The following OPCML variants were observed in gnomAD, a reference collection of about 807,000 sequenced individuals.
The protein encoded by OPCML is opioid-binding protein/cell adhesion molecule.
Under a neutral mutation model 37.8 loss-of-function variants are expected in OPCML, and 13 were observed. That is an observed-to-expected ratio of 0.34 (90% CI 0.22 to 0.55). The LOEUF is 0.55. OPCML is among the 20% of genes least tolerant of loss of function. The pLI is 0.91. For synonymous variants in OPCML, 176 were observed against 168.8 expected, an observed-to-expected ratio of 1.04 and a Z score of -0.33; for missense variants, 341 against 435.6, an observed-to-expected ratio of 0.78 and a Z score of 1.93.
chr11:133,236,815 T>A (rs1592131415), intron 1 of OPCML, among the ~76,000 whole-genome samples: 1 of 152,324 alleles, frequency 6.6e-6, no homozygotes, highest in East Asian at 1.9e-4. Flanking sequence ...TTTTGAAAAG[T>A]TCTAAGTTGC....
At chr11:132,874,421 CCTTCCTTCCTT>C (rs1942933353) in intron 2 of OPCML, among the ~76,000 whole-genome samples, 2 of 139,454 alleles carry the variant, frequency 1.4e-5, no homozygotes, top group Admixed American at 1.5e-4. Context: ...TCCCTCCCTC[CCTTCCTTCCTT>C]CTTCCTTCCT....
chr11:133,389,813 T>C lies in OPCML; in HGVS notation c.61+142451A>G, dbSNP rs142663566. Among the ~76,000 whole-genome samples the C allele has an allele frequency of 3.4e-3, 519 of 152,342 alleles. 6 individuals are homozygous for C. The highest frequency in any genetic ancestry group is 0.011 in the African/African-American group (471 of 41,572). On this transcript the variant is annotated intron_variant, in intron 1 of 7. Transcript: ENST00000524381. The stretch of plus-strand genomic sequence containing the variant: ...CTCTCTGTTGTCTCAGGGACTTTCA[T>C]GGTGCATAGCACATGGGTAAATATA...
At chr11:133,525,787 C>T (rs1327915633) in intron 1 of OPCML, among the ~76,000 whole-genome samples, 2 of 152,194 alleles carry the variant, frequency 1.3e-5, no homozygotes, top group Non-Finnish European at 2.9e-5. Context: ...GTTTTCTCCA[C>T]GTTGGAGTTC....
chr11:132,451,283 T>G (rs1448900936), intron 4 of OPCML, among the ~76,000 whole-genome samples: 1 of 151,974 alleles, frequency 6.6e-6, no homozygotes, highest in Admixed American at 6.6e-5. Flanking sequence ...ATCCAGGAAC[T>G]CTTCTATCAT....
chr11:133,400,611 G>A (rs1021665879), intron 1 of OPCML, among the ~76,000 whole-genome samples: 5 of 152,088 alleles, frequency 3.3e-5, no homozygotes, highest in African/African-American at 1.2e-4. Flanking sequence ...CAAACTTTAT[G>A]TTATGTTACC....
At chr11:132,696,748 A>G (rs75783751) in intron 2 of OPCML, among the ~76,000 whole-genome samples, 2,587 of 152,308 alleles carry the variant, frequency 0.017, 67 homozygotes, top group African/African-American at 0.059. Context: ...ACACACACAC[A>G]CACAGACACA....
intron 4 of OPCML, among the ~76,000 whole-genome samples, chr11:132,507,872 A>AT (rs776154716): frequency 6.6e-6 from 1 of 152,178 alleles, no homozygotes; most frequent in East Asian, 1.9e-4. Context: ...ATGTTTTCAC[A>AT]TTAAAAAATA....
At chr11:132,848,937 A>C (rs1941675854) in intron 2 of OPCML, among the ~76,000 whole-genome samples, 1 of 152,188 alleles carries the variant, frequency 6.6e-6, no homozygotes, top group Admixed American at 6.5e-5. Context: ...TGCTGGGCGA[A>C]GTTGGTGAAG....
At chr11:133,198,585 G>A (rs1485645839) in intron 1 of OPCML, among the ~76,000 whole-genome samples, 1 of 152,220 alleles carries the variant, frequency 6.6e-6, no homozygotes, top group Non-Finnish European at 1.5e-5. Context: ...AGACAAGAGG[G>A]CAGCATGGGA....
intron 2 of OPCML, among the ~76,000 whole-genome samples, chr11:132,747,457 A>G (rs1335589139): frequency 6.6e-6 from 1 of 152,204 alleles, no homozygotes; most frequent in African/African-American, 2.4e-5. Context: ...CCTTGTTCTC[A>G]AGATCATTGC....
intron 1 of OPCML, among the ~76,000 whole-genome samples, chr11:133,337,481 T>G (rs998703653): frequency 2.6e-5 from 4 of 152,156 alleles, no homozygotes; most frequent in Admixed American, 6.5e-5. Context: ...GACTGCAAGC[T>G]CAGGTGGCCT....
intron 4 of OPCML, among the ~76,000 whole-genome samples, chr11:132,516,676 A>C (rs569854652): frequency 6.8e-6 from 1 of 146,836 alleles, no homozygotes; most frequent in African/African-American, 2.5e-5. Context: ...CTCTTCATAA[A>C]GTTTTTCCAG....
chr11:133,006,444 C>A (rs1399060578), intron 1 of OPCML: 1 of 985,250 alleles, frequency 1.0e-6, no homozygotes, highest in Non-Finnish European at 1.2e-6. Context: ...ACTGGAAGAC[C>A]TTGAATAAGT....
intron 1 of OPCML, among the ~76,000 whole-genome samples, chr11:133,464,671 G>A (rs943717018): frequency 2.0e-5 from 3 of 152,154 alleles, no homozygotes; most frequent in East Asian, 1.9e-4. Flanking sequence ...ACTGAGATGA[G>A]GGCTGTGTGG....
intron 1 of OPCML, among the ~76,000 whole-genome samples, chr11:133,218,380 T>C (rs1939676172): frequency 6.6e-6 from 1 of 152,092 alleles, no homozygotes; most frequent in Non-Finnish European, 1.5e-5. Context: ...GCAGTAAACG[T>C]TAAGTGATCG....
intron 1 of OPCML, among the ~76,000 whole-genome samples, chr11:133,461,215 G>A (rs1371176445): frequency 6.6e-6 from 1 of 151,788 alleles, no homozygotes; most frequent in Non-Finnish European, 1.5e-5. Context: ...AGTACTAGAA[G>A]TACAAGCCAG....
In OPCML at chr11:132,943,052, A is replaced by G; in HGVS notation, c.62-42T>C. ...CAGCAGCCTGAGAGACACGACCACGAGGCACTTCCAGGGCAGGAACAGGTA... is the reference window on the plus strand; with the variant it reads ...CAGCAGCCTGAGAGACACGACCACGGGGCACTTCCAGGGCAGGAACAGGTA... On this transcript the variant is annotated intron_variant, in intron 1 of 7. Transcript: ENST00000524381. This position sits in a 1 kb window ranked among gnomAD's most constrained non-coding sequence, Gnocchi z 4.3. The G allele has an allele frequency of 6.2e-7, 1 of 1,614,112 alleles. No individual in the cohort carries two copies. The highest frequency in any genetic ancestry group is 8.5e-7 in the Non-Finnish European group (1 of 1,179,980).
At chr11:133,386,078 A>G (rs1423657779) in intron 1 of OPCML, among the ~76,000 whole-genome samples, 1 of 152,202 alleles carries the variant, frequency 6.6e-6, no homozygotes, top group Non-Finnish European at 1.5e-5. Flanking sequence ...TGTGTTAATG[A>G]GCTGAAGTGT....
At chr11:132,424,598 G>A (rs2095971894) in intron 7 of OPCML, among the ~76,000 whole-genome samples, 1 of 152,166 alleles carries the variant, frequency 6.6e-6, no homozygotes, top group Admixed American at 6.5e-5. Flanking sequence ...TAAGGTCGCT[G>A]ACCGCAATCT....
Sources: allele counts gnomAD v4.1 joint callset (sites outside exome capture counted in the v4.1 genomes callset), GRCh38; gene constraint gnomAD v4.1.1; non-coding constraint Gnocchi (gnomAD v3.1); transcripts MANE v1.5; gene names NCBI Gene and HGNC (gene_info 2026-07-23, HGNC 2026-07-21).